The following SGCD variants were observed in gnomAD, a reference collection of about 807,000 sequenced individuals.
SGCD encodes the protein delta-sarcoglycan.
A neutral mutation model predicts 36.6 loss-of-function variants in SGCD; 18 were observed. That is an observed-to-expected ratio of 0.49 (90% CI 0.34 to 0.73). The LOEUF is 0.73. SGCD is among the 30% of genes least tolerant of loss of function. The probability of loss-of-function intolerance (pLI) is 0.01; values close to 1 mark genes in which losing one functional copy is unlikely to be tolerated. For missense variants in SGCD, 387 were observed against 346.7 expected, an observed-to-expected ratio of 1.12 and a Z score of -0.92; for synonymous variants, 133 against 130.6, an observed-to-expected ratio of 1.02 and a Z score of -0.12.
chr5:156,481,826 A>G (rs1755443664), intron 3 of SGCD, among the ~76,000 whole-genome samples: 1 of 152,198 alleles, frequency 6.6e-6, no homozygotes, highest in Admixed American at 6.5e-5. Context: ...CCCAGGGCCA[A>G]GGATTTGCTT....
intron 3 of SGCD, among the ~76,000 whole-genome samples, chr5:156,401,850 A>G (rs948799206): frequency 1.3e-5 from 2 of 152,146 alleles, no homozygotes; most frequent in African/African-American, 2.4e-5. Flanking sequence ...CATGCATATT[A>G]TTGTCCAACC....
intron 6 of SGCD, among the ~76,000 whole-genome samples, chr5:156,632,858 A>C (rs1762687142): frequency 6.6e-6 from 1 of 152,202 alleles, no homozygotes; most frequent in African/African-American, 2.4e-5. Flanking sequence ...GGGGAGGCAT[A>C]TATGATCATG....
the SGCD span, among the ~76,000 whole-genome samples, chr5:155,798,750 G>T: frequency 7.2e-5 from 11 of 152,052 alleles, no homozygotes; most frequent in South Asian, 2.1e-4. Context: ...TAAAACAAAA[G>T]AAAAAAATTT....
At chr5:155,902,028 C>T (rs1317077723) in intron 1 of SGCD, among the ~76,000 whole-genome samples, 1 of 152,118 alleles carries the variant, frequency 6.6e-6, no homozygotes, top group African/African-American at 2.4e-5. Flanking sequence ...CAATCTGATT[C>T]TAAAGATTTA....
chr5:156,386,274 C>T (rs1160275788), intron 3 of SGCD, among the ~76,000 whole-genome samples: 1 of 152,174 alleles, frequency 6.6e-6, no homozygotes, highest in Non-Finnish European at 1.5e-5. Flanking sequence ...GCCAGTTTGT[C>T]TGTGACTATC....
intron 1 of SGCD, among the ~76,000 whole-genome samples, chr5:155,979,228 G>A (rs1224445696): frequency 6.6e-6 from 1 of 152,124 alleles, no homozygotes; most frequent in Non-Finnish European, 1.5e-5. Flanking sequence ...TTGGAATAAC[G>A]AGTGCATTAG....
At chr5:156,431,749 C>G (rs1030781548) in intron 3 of SGCD, among the ~76,000 whole-genome samples, 2 of 151,894 alleles carry the variant, frequency 1.3e-5, no homozygotes, top group Admixed American at 1.3e-4. Flanking sequence ...GAGTTTTGCT[C>G]TTGTCACCCA....
chr5:156,411,379 G>C (rs574477248), intron 3 of SGCD, among the ~76,000 whole-genome samples: 1 of 152,198 alleles, frequency 6.6e-6, no homozygotes, highest in South Asian at 2.1e-4. Flanking sequence ...TACAGGGGTC[G>C]CATGGAGCAG....
At chr5:156,744,662 A>T (rs1756859738) in intron 7 of SGCD, among the ~76,000 whole-genome samples, 1 of 152,184 alleles carries the variant, frequency 6.6e-6, no homozygotes, top group African/African-American at 2.4e-5. Context: ...AATAAACGAA[A>T]TTATATATCT....
chr5:156,382,686 G>A (rs928288681), intron 3 of SGCD, among the ~76,000 whole-genome samples: 2 of 152,184 alleles, frequency 1.3e-5, no homozygotes, highest in East Asian at 1.9e-4. Flanking sequence ...AGGATATATC[G>A]GTGCTGGGAT....
At chr5:156,723,824 A>G (rs1019558994) in intron 7 of SGCD, among the ~76,000 whole-genome samples, 19 of 150,690 alleles carry the variant, frequency 1.3e-4, no homozygotes, top group Non-Finnish European at 1.3e-4. Context: ...ATGAGCAGTG[A>G]GAGTCCACTG....
chr5:155,935,447 A>G (rs998587432), intron 1 of SGCD, among the ~76,000 whole-genome samples: 1 of 152,178 alleles, frequency 6.6e-6, no homozygotes. Context: ...ATGCTACAAA[A>G]TTATATAAAT....
intron 4 of SGCD, among the ~76,000 whole-genome samples, chr5:156,533,627 A>T (rs1343509762): frequency 1.3e-5 from 2 of 152,198 alleles, no homozygotes; most frequent in Non-Finnish European, 2.9e-5. Context: ...TAACTACAGA[A>T]CATAGAAAAT....
chr5:156,094,473 A>C (rs1304176389), intron 1 of SGCD, among the ~76,000 whole-genome samples: 1 of 152,216 alleles, frequency 6.6e-6, no homozygotes, highest in Non-Finnish European at 1.5e-5. Flanking sequence ...AAAGCCTGGC[A>C]TTATGGTATT....
intron 3 of SGCD, among the ~76,000 whole-genome samples, chr5:156,423,132 A>ATTTAAAT: frequency 2.0e-5 from 2 of 100,428 alleles, no homozygotes; most frequent in African/African-American, 7.3e-5. Flanking sequence ...TTAATTAATT[A>ATTTAAAT]ATAATTAATA....
chr5:155,791,692 A>G, the SGCD span, among the ~76,000 whole-genome samples: 1 of 152,158 alleles, frequency 6.6e-6, no homozygotes, highest in Non-Finnish European at 1.5e-5. Flanking sequence ...CTAGGAATAC[A>G]TCTAACCAAG....
At chr5:155,842,215 T>G in the SGCD span, among the ~76,000 whole-genome samples, 4 of 151,798 alleles carry the variant, frequency 2.6e-5, no homozygotes, top group Non-Finnish European at 5.9e-5. Flanking sequence ...AGAACAATTC[T>G]TTGCTGCTTT....
the SGCD span, among the ~76,000 whole-genome samples, chr5:155,771,313 A>C: frequency 6.6e-6 from 1 of 152,026 alleles, no homozygotes; most frequent in African/African-American, 2.4e-5. Flanking sequence ...CAGTGGTACC[A>C]TCATAGCTCA....
intron 7 of SGCD, among the ~76,000 whole-genome samples, chr5:156,684,924 A>C (rs1351991380): frequency 6.6e-6 from 1 of 152,214 alleles, no homozygotes; most frequent in African/African-American, 2.4e-5. Context: ...ATAAAGCAGG[A>C]GTACTAGGGA....
Sources: gnomAD v4.1 joint callset for allele counts (sites outside exome capture counted in the v4.1 genomes callset) on GRCh38, gnomAD v4.1.1 for gene constraint, MANE v1.5 for transcripts, NCBI Gene and HGNC (gene_info 2026-07-23, HGNC 2026-07-21) for gene names.